The following TGFBR3 variants were observed in gnomAD, a reference collection of about 807,000 sequenced individuals.
TGFBR3 encodes the protein transforming growth factor beta receptor type 3.
In TGFBR3, 46 loss-of-function variants were observed where a neutral mutation model predicts 87.9. The observed-to-expected ratio is 0.52, with a 90% confidence interval of 0.41 to 0.67. The LOEUF is 0.67. TGFBR3 is among the 30% of genes least tolerant of loss of function. TGFBR3 has a pLI of 0.00. For synonymous variants in TGFBR3, 381 were observed against 391.6 expected (o/e 0.97, Z 0.32); for missense variants, 866 against 1,041.9 (o/e 0.83, Z 2.32).
At position 91,879,280 on chromosome 1, in the gene TGFBR3, T is replaced by A. The variant is rs12745511; in HGVS notation, c.-114+6598A>T. 2.3e-3 allele frequency among the ~76,000 whole-genome samples: 198 copies of A among 84,280 alleles called. 3 individuals are homozygous for A. In the South Asian group the frequency reaches 0.027, roughly 11 times the overall value. 55.3% of individuals were successfully genotyped at this position (84,280 alleles called of 152,430 possible). A position where few individuals can be genotyped will look rare whatever the true frequency, so the allele number is the denominator to read the frequency against. ...CAAGACTCTGTCTCAAAAAAAAAAATAACCATTAAAATCTAATTCTAAAAA... is the reference window on the plus strand; with the variant it reads ...CAAGACTCTGTCTCAAAAAAAAAAAAAACCATTAAAATCTAATTCTAAAAA... On this transcript the variant is annotated intron_variant, in intron 1 of 16. Coordinates refer to ENST00000212355, the MANE Select transcript of TGFBR3 (RefSeq NM_003243.5).
chr1:91,786,657 A>T (rs979526589), intron 3 of TGFBR3, among the ~76,000 whole-genome samples: 1 of 151,972 alleles, frequency 6.6e-6, no homozygotes, highest in Non-Finnish European at 1.5e-5. Context: ...AGGCTGAGGC[A>T]GGAGAATTGC....
In TGFBR3 at chr1:91,689,555, G is replaced by A. The variant is rs533924540; in HGVS notation, c.2438-5698C>T. Among the ~76,000 whole-genome samples the A allele has an allele frequency of 2.6e-5, 4 of 152,306 alleles. No homozygotes were observed. In the East Asian group the frequency reaches 7.7e-4, roughly 29 times the overall value. On this transcript the variant is annotated intron_variant, in intron 16 of 16. Coordinates refer to ENST00000212355, the MANE Select transcript of TGFBR3 (RefSeq NM_003243.5). ...AAAAAAATTTAGCTGACACTAAACAGAGGCAAAAAGAAAAACCGAAACACA... is the reference window on the plus strand; with the variant it reads ...AAAAAAATTTAGCTGACACTAAACAAAGGCAAAAAGAAAAACCGAAACACA...
At position 91,683,546 on chromosome 1, in the gene TGFBR3, A is replaced by C; in HGVS notation, c.*193T>G. On this transcript the variant is annotated 3_prime_UTR_variant, in exon 17 of 17. Coordinates refer to ENST00000212355, the MANE Select transcript of TGFBR3 (RefSeq NM_003243.5). ...TAGTGTGGTACAGAAGCCCAGGGTC[A>C]TGTTTATACTAGCCCTGGGTGTGGG... The C allele has an allele frequency of 1.4e-6, 1 of 699,936 alleles. No individual in the cohort carries two copies. Among genetic ancestry groups the C allele is most frequent in the Non-Finnish European group, 2.6e-6 (1 of 385,412 alleles). The allele number at this position is 699,936 out of a possible 1,614,324, so 43.4% of individuals were successfully genotyped here.
intron 2 of TGFBR3, among the ~76,000 whole-genome samples, chr1:91,806,478 G>T (rs546444479): frequency 1.8e-4 from 28 of 152,132 alleles, no homozygotes; most frequent in East Asian, 1.6e-3. Flanking sequence ...ATACTGGCGG[G>T]GGGGGTAATG....
In TGFBR3 at chr1:91,818,475, C is replaced by T. The variant is rs369080942; in HGVS notation, c.62-21004G>A. Among the ~76,000 whole-genome samples, 6 of 152,182 alleles carry T rather than the reference C, an allele frequency of 3.9e-5. No homozygotes were observed. The South Asian group carries it at 8.3e-4, about 21-fold the overall frequency. ...CCGTGGACCTTGCCAGCCCTGGTCC[C>T]TGGTGTTTTAAAATGTTACACTTTA... On this transcript the variant is annotated intron_variant, in intron 2 of 16. Coordinates refer to ENST00000212355, the MANE Select transcript of TGFBR3 (RefSeq NM_003243.5).
At chr1:91,747,071 A>C (rs1159993231) in intron 4 of TGFBR3, among the ~76,000 whole-genome samples, 1 of 152,228 alleles carries the variant, frequency 6.6e-6, no homozygotes, top group Non-Finnish European at 1.5e-5. Flanking sequence ...TGATAGTGGA[A>C]ACAACTGGGG....
At chr1:91,739,881 G>A (rs1673099122) in intron 4 of TGFBR3, among the ~76,000 whole-genome samples, 1 of 152,126 alleles carries the variant, frequency 6.6e-6, no homozygotes. Context: ...TATATGGCAG[G>A]AGCAGGAGGA....
intron 3 of TGFBR3, among the ~76,000 whole-genome samples, chr1:91,787,417 G>A (rs940366965): frequency 2.0e-5 from 3 of 152,168 alleles, no homozygotes; most frequent in Admixed American, 6.5e-5. Flanking sequence ...GAGTGGCAGA[G>A]CTGAGACTAG....
At chr1:91,833,310 A>AAAT (rs543642425) in intron 2 of TGFBR3, among the ~76,000 whole-genome samples, 1 of 147,254 alleles carries the variant, frequency 6.8e-6, no homozygotes, top group Non-Finnish European at 1.5e-5. Context: ...AAAAAAAAAA[A>AAAT]AAAAAACAGG....
At chr1:91,710,525 A>G (rs1392259457) in intron 13 of TGFBR3, among the ~76,000 whole-genome samples, 1 of 152,204 alleles carries the variant, frequency 6.6e-6, no homozygotes, top group East Asian at 1.9e-4. Context: ...GGTTGGTCTC[A>G]ACAATCTCTG....
chr1:91,777,334 CA>C (rs1195550099), intron 3 of TGFBR3, among the ~76,000 whole-genome samples: 2 of 152,196 alleles, frequency 1.3e-5, no homozygotes, highest in Non-Finnish European at 2.9e-5. Flanking sequence ...TCAACACCAA[CA>C]GGCAAAACCA....
At chr1:91,729,136 G>A (rs1159161137) in intron 6 of TGFBR3, among the ~76,000 whole-genome samples, 1 of 116,014 alleles carries the variant, frequency 8.6e-6, no homozygotes, top group Non-Finnish European at 1.7e-5. Flanking sequence ...TCACCATGGA[G>A]GGCCACTCCA....
chr1:91,905,082 T>C (rs1042558332), intron 1 of TGFBR3, among the ~76,000 whole-genome samples: 2 of 152,056 alleles, frequency 1.3e-5, no homozygotes, highest in Non-Finnish European at 2.9e-5. Context: ...ATGATAGGCT[T>C]AGCACACTTC....
intron 2 of TGFBR3, among the ~76,000 whole-genome samples, chr1:91,846,097 C>G (rs1054978230): frequency 7.9e-5 from 12 of 152,110 alleles, no homozygotes; most frequent in Non-Finnish European, 1.8e-4. Context: ...AGTACACTGG[C>G]AGTTTAGAAA....
chr1:91,742,894 G>A (rs1673204944), intron 4 of TGFBR3, among the ~76,000 whole-genome samples: 3 of 152,166 alleles, frequency 2.0e-5, no homozygotes, highest in Admixed American at 2.0e-4. Flanking sequence ...GCCAATTGCT[G>A]GGAGTTTTAT....
chr1:91,698,564 G>A (rs2100724204), intron 14 of TGFBR3, among the ~76,000 whole-genome samples: 2 of 148,698 alleles, frequency 1.3e-5, no homozygotes, highest in South Asian at 2.1e-4. Flanking sequence ...AGGCTGGAGG[G>A]CAGTGGCGCC....
chr1:91,878,796 G>A (rs142670313), intron 1 of TGFBR3, among the ~76,000 whole-genome samples: 1 of 152,328 alleles, frequency 6.6e-6, no homozygotes, highest in Non-Finnish European at 1.5e-5. Context: ...TGAATTATGT[G>A]CCTGGAAGGA....
At position 91,787,286 on chromosome 1, in the gene TGFBR3, C is replaced by T. The variant is rs1032718482; in HGVS notation, c.246+10001G>A. 5.9e-5 allele frequency among the ~76,000 whole-genome samples: 9 copies of T among 151,730 alleles called. No homozygotes were observed. In the South Asian group the frequency reaches 8.4e-4, roughly 14 times the overall value. On this transcript the variant is annotated intron_variant, in intron 3 of 16. Coordinates refer to ENST00000212355, the MANE Select transcript of TGFBR3 (RefSeq NM_003243.5). ...ACTGCACTCCAGCCTGGTGACAGAG[C>T]GAGACGCCATCTCACAAAAAGTAAT...
intron 2 of TGFBR3, among the ~76,000 whole-genome samples, chr1:91,847,464 G>A (rs1052221183): frequency 7.3e-5 from 11 of 151,662 alleles, no homozygotes; most frequent in Non-Finnish European, 1.0e-4. Flanking sequence ...TTAGCCAGGC[G>A]TGGTAGTGCA....
Sources: allele counts gnomAD v4.1 joint callset (sites outside exome capture counted in the v4.1 genomes callset), GRCh38; gene constraint gnomAD v4.1.1; transcripts MANE v1.5; gene names NCBI Gene and HGNC (gene_info 2026-07-23, HGNC 2026-07-21).